GCNT2: variants seen among roughly 807,000 people sequenced by gnomAD.
The protein encoded by GCNT2 is glucosaminyl (N-acetyl) transferase 2 (I blood group).
In GCNT2, 34 loss-of-function variants were observed where a neutral mutation model predicts 34.2. That is an observed-to-expected ratio of 1.00 (90% CI 0.76 to 1.32). The LOEUF (loss-of-function observed/expected upper bound fraction) is 1.32, where lower values mean the gene tolerates loss of function less well. Among genes scored for constraint, GCNT2 ranks in the 40% most tolerant of loss-of-function variants. The pLI, the probability that GCNT2 is intolerant of heterozygous loss-of-function variation, is 0.00. For missense variants in GCNT2, 584 were observed against 489.4 expected, an observed-to-expected ratio of 1.19 and a Z score of -1.82; for synonymous variants, 212 against 188.0, an observed-to-expected ratio of 1.13 and a Z score of -1.04.
chr6:10,556,016 A>G (rs1270184389), intron 3 of GCNT2: 23 of 1,127,922 alleles, frequency 2.0e-5, no homozygotes, highest in Non-Finnish European at 2.4e-5. Flanking sequence ...CACTGCGCTC[A>G]TTCCCTGAAT....
chr6:10,539,167 C>T (rs1761919477), intron 3 of GCNT2, among the ~76,000 whole-genome samples: 1 of 144,590 alleles, frequency 6.9e-6, no homozygotes, highest in African/African-American at 2.5e-5. Context: ...CCTATCTCTA[C>T]AGCTCACCGT....
chr6:10,536,541 A>G (rs1761762039), intron 3 of GCNT2, among the ~76,000 whole-genome samples: 1 of 150,186 alleles, frequency 6.7e-6, no homozygotes, highest in South Asian at 2.1e-4. Context: ...TATTTAGTAG[A>G]GACGGGGTTT....
At chr6:10,585,971 C>A (rs371364114) in intron 3 of GCNT2, 105 of 1,612,960 alleles carry the variant, frequency 6.5e-5, no homozygotes, top group Admixed American at 8.3e-5. Context: ...GAGATTGTTT[C>A]CCCAGGGAAG....
intron 3 of GCNT2, chr6:10,575,217 G>T: frequency 2.8e-6 from 1 of 360,274 alleles, no homozygotes; most frequent in South Asian, 3.0e-5. Flanking sequence ...CTTTTCCTTT[G>T]TGTTCGTCAT....
Sources: allele counts gnomAD v4.1 joint callset (sites outside exome capture counted in the v4.1 genomes callset), GRCh38; gene constraint gnomAD v4.1.1; transcripts MANE v1.5; gene names NCBI Gene and HGNC (gene_info 2026-07-23, HGNC 2026-07-21).